GSE1: variants seen among roughly 807,000 people sequenced by gnomAD.
GSE1 encodes the protein genetic suppressor element 1.
In GSE1, 32 loss-of-function variants were observed where a neutral mutation model predicts 112.6. The ratio of observed to expected loss-of-function variants is 0.28; its 90% CI spans 0.21 to 0.38. The LOEUF (loss-of-function observed/expected upper bound fraction) is 0.38. GSE1 is among the 10% of genes least tolerant of loss of function. The pLI is 1.00. For synonymous variants in GSE1, 1,115 were observed against 735.6 expected (o/e 1.52, Z -8.35); for missense variants, 2,348 against 1,699.2 (o/e 1.38, Z -6.71).
intron 1 of GSE1, among the ~76,000 whole-genome samples, chr16:85,224,759 G>C (rs1270551276): frequency 6.6e-6 from 1 of 151,722 alleles, no homozygotes; most frequent in Non-Finnish European, 1.5e-5. Flanking sequence ...GGAGGCTGAG[G>C]TGGGCGGATC....
intron 1 of GSE1, among the ~76,000 whole-genome samples, chr16:85,254,164 G>C (rs1053180715): frequency 3.0e-4 from 45 of 152,226 alleles, no homozygotes; most frequent in African/African-American, 9.4e-4. Flanking sequence ...AGGGGGCATG[G>C]TTTCTACCCT....
At chr16:85,235,133 C>G (rs994920194) in intron 1 of GSE1, among the ~76,000 whole-genome samples, 6 of 152,054 alleles carry the variant, frequency 3.9e-5, no homozygotes, top group African/African-American at 1.4e-4. Flanking sequence ...ACCGCTGCCC[C>G]TCCCAGGCAG....
intron 1 of GSE1, among the ~76,000 whole-genome samples, chr16:85,219,439 C>T (rs73257917): frequency 0.032 from 4,805 of 152,296 alleles, 231 homozygotes; most frequent in African/African-American, 0.11. Flanking sequence ...ACAGACCTAC[C>T]GCATGAAGCT....
intron 2 of GSE1, among the ~76,000 whole-genome samples, chr16:85,467,366 T>A (rs2050153323): frequency 6.6e-6 from 1 of 152,250 alleles, no homozygotes; most frequent in Admixed American, 6.5e-5. Context: ...TATTGCTATG[T>A]AACAAACTAC....
intron 2 of GSE1, among the ~76,000 whole-genome samples, chr16:85,462,426 C>G (rs905394198): frequency 3.3e-5 from 5 of 151,980 alleles, no homozygotes; most frequent in Non-Finnish European, 7.4e-5. Flanking sequence ...TTCTCCCCCT[C>G]CTCCCTGATG....
upstream of GSE1, among the ~76,000 whole-genome samples, chr16:85,607,555 A>G (rs1328920997): frequency 2.0e-5 from 3 of 152,186 alleles, no homozygotes; most frequent in Non-Finnish European, 4.4e-5. Flanking sequence ...GCCCGGGGTT[A>G]AGAGGAAAAC....
At chr16:85,474,918 A>T (rs2050406351) in intron 2 of GSE1, among the ~76,000 whole-genome samples, 1 of 152,090 alleles carries the variant, frequency 6.6e-6, no homozygotes, top group Non-Finnish European at 1.5e-5. Context: ...GTACTGACAG[A>T]TTCGTGGCCA....
rs568452393 is a variant in GSE1, at chr16:85,584,154, G to C, written c.37+27791G>C. Among the ~76,000 whole-genome samples the C allele has an allele frequency of 3.3e-5, 5 of 150,342 alleles. No individual in the cohort carries two copies. The South Asian group carries it at 1.0e-3, about 32-fold the overall frequency. On this transcript the variant is annotated intron_variant, in intron 1 of 2. Coordinates refer to the GSE1 transcript ENST00000635906. ...TTGGGTCTTTGTGTGCGTGCGTGCC[G>C]GTGCGTGGGCCCCTGTCTGTTTGGA...
chr16:85,398,058 C>T lies in GSE1; in HGVS notation c.2464+40415C>T, dbSNP rs182085079. On this transcript the variant is annotated intron_variant, in intron 2 of 2. Coordinates refer to the GSE1 transcript ENST00000637419. ...AGGTGATTCTGTGCAGGAGAGGACC[C>T]TAGGGAAGACGCACCTTGGTATTCT... Among the ~76,000 whole-genome samples the T allele has an allele frequency of 2.7e-3, 411 of 152,170 alleles. 2 individuals carry two copies. The highest frequency in any genetic ancestry group is 9.3e-3 in the African/African-American group (388 of 41,510).
chr16:85,478,865 TTCTTTCTTTCTTTCTTTCTTTC>T (rs2050554741), intron 2 of GSE1, among the ~76,000 whole-genome samples: 1 of 37,562 alleles, frequency 2.7e-5, no homozygotes. Flanking sequence ...CTTTCTTTCT[TTCTTTCTTTCTTTCTTTCTTTC>T]TTTCTTTCTT....
rs1166706792 is a variant in GSE1 at position 85,668,317 on chromosome 16, A to T, written c.3308A>T (p.Glu1103Val). 6.2e-7 allele frequency: 1 copy of T among 1,612,248 alleles called. No homozygotes were observed. Among genetic ancestry groups the T allele is most frequent in the Non-Finnish European group, 8.5e-7 (1 of 1,178,526 alleles). Residue 1103 changes from glutamate to valine, a missense_variant, in exon 14 of 16, where the codon GAG becomes GTG. Glu to Val is a moderately radical substitution (Grantham distance 121). Coordinates refer to ENST00000253458, the MANE Select transcript of GSE1 (RefSeq NM_014615.5). ...PTQELDRDSE[E>V]EEEEDDEDGE... is the part of the protein sequence containing the mutation. ...CAGGAGTTGGACCGGGACTCGGAGG[A>T]GGAGGAAGAGGAGGATGATGAAGAT...
intron 9 of GSE1, chr16:85,662,686 C>T (rs1365671373): frequency 1.4e-5 from 6 of 421,524 alleles, no homozygotes; most frequent in African/African-American, 4.1e-5. Context: ...AGCCCCAGGC[C>T]TGTGTGATGA....
At chr16:85,571,628 G>A (rs1284684751) in intron 1 of GSE1, among the ~76,000 whole-genome samples, 1 of 152,214 alleles carries the variant, frequency 6.6e-6, no homozygotes, top group Non-Finnish European at 1.5e-5. Flanking sequence ...CCGTGTTTGG[G>A]GCCACAGGGA....
intron 2 of GSE1, among the ~76,000 whole-genome samples, chr16:85,477,322 G>T (rs984797803): frequency 6.6e-6 from 1 of 152,116 alleles, no homozygotes; most frequent in African/African-American, 2.4e-5. Flanking sequence ...TGAAGATTCC[G>T]AATATGCGTT....
In GSE1 at chr16:85,311,146, G is replaced by A. The variant is rs2045832282; in HGVS notation, c.2284-46317G>A. ...GGGAGGGCAGCCTGCTCCGTGGGCTGGTCCCAAATTCCAGAGGCCCATCGG... is the reference window on the plus strand; with the variant it reads ...GGGAGGGCAGCCTGCTCCGTGGGCTAGTCCCAAATTCCAGAGGCCCATCGG... On this transcript the variant is annotated intron_variant, in intron 1 of 2. Coordinates refer to the GSE1 transcript ENST00000637419. The surrounding 1 kb of genome is among the most constrained non-coding windows in gnomAD (Gnocchi z 4.2). 6.6e-6 allele frequency among the ~76,000 whole-genome samples: 1 copy of A among 152,216 alleles called. No homozygotes were observed. The highest frequency in any genetic ancestry group is 2.4e-5 in the African/African-American group (1 of 41,472).
rs145160346 is a variant in GSE1, at chr16:85,366,708, T to C, written c.2464+9065T>C. On this transcript the variant is annotated intron_variant, in intron 2 of 2. Coordinates refer to the GSE1 transcript ENST00000637419. ...TTGCTAGCGTGTGACTCTGTGTGTC[T>C]GTCTGTGACTGGTTTAGATTTGTAT... 4.0e-3 allele frequency among the ~76,000 whole-genome samples: 602 copies of C among 152,358 alleles called. 3 individuals carry two copies. The highest frequency in any genetic ancestry group is 0.014 in the African/African-American group (575 of 41,594).
chr16:85,492,681 G>A (rs972706113), intron 2 of GSE1, among the ~76,000 whole-genome samples: 3 of 152,150 alleles, frequency 2.0e-5, no homozygotes, highest in South Asian at 2.1e-4. Flanking sequence ...GCGCCCTTAA[G>A]TAGCCACACT....
At chr16:85,491,983 C>T (rs977871291) in intron 2 of GSE1, among the ~76,000 whole-genome samples, 9 of 152,110 alleles carry the variant, frequency 5.9e-5, no homozygotes, top group African/African-American at 1.7e-4. Flanking sequence ...TGGGCTGGGG[C>T]ATCTTTCTGC....
exon 1 of GSE1, chr16:85,170,131 C>T (rs913510638): frequency 1.9e-4 from 192 of 985,230 alleles, no homozygotes; most frequent in Non-Finnish European, 2.3e-4. Context: ...GGCCCCAGGG[C>T]CAGGGCCTCG....
Sources: allele counts gnomAD v4.1 joint callset (sites outside exome capture counted in the v4.1 genomes callset), GRCh38; gene constraint gnomAD v4.1.1; non-coding constraint Gnocchi (gnomAD v3.1); transcripts MANE v1.5; gene names NCBI Gene and HGNC (gene_info 2026-07-23, HGNC 2026-07-21).